The following MYO5C variants were observed in gnomAD, a reference collection of about 807,000 sequenced individuals.
The protein encoded by MYO5C is myosin VC.
Under a neutral mutation model 235.7 loss-of-function variants are expected in MYO5C, and 194 were observed. The observed-to-expected ratio is 0.82, with a 90% CI of 0.73 to 0.93. The LOEUF (loss-of-function observed/expected upper bound fraction) is 0.93, where lower values mean the gene tolerates loss of function less well. Ranked by LOEUF, MYO5C falls within the 40% of genes least tolerant of loss-of-function variation. The probability of loss-of-function intolerance (pLI) is 0.00; values close to 1 mark genes in which losing one functional copy is unlikely to be tolerated. For missense variants in MYO5C, 2,038 were observed against 2,127.2 expected, an observed-to-expected ratio of 0.96 and a Z score of 0.82; for synonymous variants, 707 against 754.8, an observed-to-expected ratio of 0.94 and a Z score of 1.04.
At chr15:52,251,339 A>G (rs1251635040) in intron 13 of MYO5C, 51 bp downstream of exon 13, 1 of 1,529,360 alleles carries the variant, frequency 6.5e-7, no homozygotes, top group East Asian at 2.4e-5. Context: ...CTCCTTCTGG[A>G]GGCTGTACAG....
At chr15:52,266,170 T>A (rs7172026) in intron 8 of MYO5C, among the ~76,000 whole-genome samples, 146,887 of 152,290 alleles carry the variant, frequency 0.96, 71,070 homozygotes, top group East Asian at 1. Context: ...CTCCAAAACA[T>A]TAATACAAAA....
At chr15:52,279,777 A>G in intron 2 of MYO5C, 103 bp from the exon 3 acceptor site, 1 of 1,123,208 alleles carries the variant, frequency 8.9e-7, no homozygotes. Context: ...CAGAGTCATC[A>G]CTGACATTAA....
chr15:52,202,964 AG>A (rs1242035541), intron 38 of MYO5C, among the ~76,000 whole-genome samples: 1 of 147,348 alleles, frequency 6.8e-6, no homozygotes, highest in Non-Finnish European at 1.5e-5. Flanking sequence ...TTTGTCCCCC[AG>A]GCTGGAGTGC....
chr15:52,252,978 G>T (rs1031097171), intron 12 of MYO5C, among the ~76,000 whole-genome samples: 1 of 152,210 alleles, frequency 6.6e-6, no homozygotes, highest in Non-Finnish European at 1.5e-5. Context: ...GAATCAGGAT[G>T]TAAAAGAAAA....
At position 52,205,813 on chromosome 15, in the gene MYO5C, T is replaced by C; in HGVS notation, c.4537+3A>G. ...ATTTTTTGGTCATCCATTCTCTTCT[T>C]ACCTATTATCGGTTGGATATTCTTT... On this transcript the variant is annotated splice_donor_region_variant and intron_variant, in intron 37 of 40. Coordinates refer to ENST00000261839, the MANE Select transcript of MYO5C (RefSeq NM_018728.4). The C allele has an allele frequency of 6.5e-7, 1 of 1,540,838 alleles. No homozygotes were observed. Among genetic ancestry groups the C allele is most frequent in the Non-Finnish European group, 8.8e-7 (1 of 1,131,764 alleles).
At position 52,245,411 on chromosome 15, in the gene MYO5C, C is replaced by T; in HGVS notation, c.2121G>A (p.Glu707=). The T allele has an allele frequency of 1.9e-6, 3 of 1,614,190 alleles. No homozygotes were observed. Among genetic ancestry groups the T allele is most frequent in the Non-Finnish European group, 2.5e-6 (3 of 1,180,038 alleles). ...SRYGILMTKQ[E]LSFSDKKEVC... is the part of the protein sequence containing the mutation. ...CCTCCTTTTTATCGCTGAAGGAAAG[C>T]TCTTGCTTGGTCATGAGAATGCCGT... is the stretch of plus-strand genomic sequence containing the variant. Residue 707 remains glutamate, a synonymous_variant, in exon 18 of 41, where the codon GAG becomes GAA. Transcript: ENST00000261839.
intron 37 of MYO5C, 30 bp from the exon 38 acceptor site, chr15:52,205,177 A>C: frequency 6.2e-7 from 1 of 1,605,770 alleles, no homozygotes; most frequent in East Asian, 2.2e-5. Context: ...CTGTGCTGAC[A>C]CGCCAGGAGA....
chr15:52,231,273 C>A (rs1030009500), intron 24 of MYO5C, among the ~76,000 whole-genome samples: 2 of 152,158 alleles, frequency 1.3e-5, no homozygotes, highest in Non-Finnish European at 2.9e-5. Context: ...CTAAACCAAG[C>A]TACAGATGAG....
At chr15:52,243,865 G>T (rs1264083664) in intron 19 of MYO5C, among the ~76,000 whole-genome samples, 1 of 152,228 alleles carries the variant, frequency 6.6e-6, no homozygotes, top group Admixed American at 6.5e-5. Flanking sequence ...GGCTGGGGCT[G>T]CTGTGGTCTT....
At chr15:52,199,592 C>T (rs1236988843) in intron 38 of MYO5C, among the ~76,000 whole-genome samples, 1 of 140,046 alleles carries the variant, frequency 7.1e-6, no homozygotes, top group Non-Finnish European at 1.6e-5. Context: ...TCAATGCCAA[C>T]AAAGAGCTCC....
chr15:52,205,802 C>T lies in MYO5C; in HGVS notation c.4537+14G>A, dbSNP rs936129073. On this transcript the variant is annotated intron_variant, in intron 37 of 40. Transcript: ENST00000261839. ...TTACTATAAATATTTTTTGGTCATC[C>T]ATTCTCTTCTTACCTATTATCGGTT... 1 of 1,483,882 alleles carries T rather than the reference C, an allele frequency of 6.7e-7. No homozygotes were observed. The highest frequency in any genetic ancestry group is 9.1e-7 in the Non-Finnish European group (1 of 1,096,664). 91.9% of individuals were successfully genotyped at this position (1,483,882 alleles called of 1,614,324 possible).
intron 8 of MYO5C, among the ~76,000 whole-genome samples, chr15:52,269,318 T>A (rs2036871191): frequency 6.6e-6 from 1 of 152,232 alleles, no homozygotes. Context: ...GTTCTGATGT[T>A]TTGTCCTAAA....
At position 52,294,075 on chromosome 15, in the gene MYO5C, C is replaced by T. The variant is rs188715526; in HGVS notation, c.27+1535G>A. Among the ~76,000 whole-genome samples the T allele has an allele frequency of 2.6e-5, 4 of 152,366 alleles. No homozygotes were observed. The East Asian group carries it at 5.8e-4, about 22-fold the overall frequency. On this transcript the variant is annotated intron_variant, in intron 1 of 40. Coordinates refer to ENST00000261839, the MANE Select transcript of MYO5C (RefSeq NM_018728.4). ...ATTCTCATTCCCTCCAAGCTTGTACCTTTAAACTCCTTCCTATCAGTTTTC... is the reference window on the plus strand; with the variant it reads ...ATTCTCATTCCCTCCAAGCTTGTACTTTTAAACTCCTTCCTATCAGTTTTC...
At chr15:52,292,193 C>G (rs547922989) in intron 1 of MYO5C, among the ~76,000 whole-genome samples, 9 of 152,138 alleles carry the variant, frequency 5.9e-5, no homozygotes, top group Non-Finnish European at 2.9e-5. Flanking sequence ...CTTAACTTTA[C>G]CCCTCTTGCT....
intron 10 of MYO5C, among the ~76,000 whole-genome samples, chr15:52,259,238 G>C (rs1412636335): frequency 1.3e-5 from 2 of 152,004 alleles, no homozygotes; most frequent in Non-Finnish European, 2.9e-5. Flanking sequence ...GGCTAATACG[G>C]TGAAACCCAG....
At chr15:52,283,406 T>C (rs1391714443) in intron 1 of MYO5C, among the ~76,000 whole-genome samples, 1 of 152,222 alleles carries the variant, frequency 6.6e-6, no homozygotes, top group African/African-American at 2.4e-5. Flanking sequence ...ATCATAATCT[T>C]ATCACACTGG....
At chr15:52,233,005 C>T (rs2036000276) in intron 23 of MYO5C, among the ~76,000 whole-genome samples, 1 of 13,690 alleles carries the variant, frequency 7.3e-5, no homozygotes, top group East Asian at 4.2e-4. Flanking sequence ...AGAGGCCGGG[C>T]GCGGTGGCTC....
intron 34 of MYO5C, among the ~76,000 whole-genome samples, 154 bp downstream of exon 34, chr15:52,213,034 G>A (rs980258316): frequency 1.3e-5 from 2 of 152,146 alleles, no homozygotes; most frequent in African/African-American, 2.4e-5. Context: ...GAGTTAACAG[G>A]TCAACAGTGC....
chr15:52,234,759 GTT>G (rs2036039055), intron 23 of MYO5C, among the ~76,000 whole-genome samples: 1 of 152,152 alleles, frequency 6.6e-6, no homozygotes, highest in Non-Finnish European at 1.5e-5. Flanking sequence ...GTGTCAGGCT[GTT>G]TACTCCCTCT....
Sources: gnomAD v4.1 joint callset for allele counts (sites outside exome capture counted in the v4.1 genomes callset) on GRCh38, gnomAD v4.1.1 for gene constraint, MANE v1.5 for transcripts, NCBI Gene and HGNC (gene_info 2026-07-23, HGNC 2026-07-21) for gene names.